Variants in RPL4 observed in about 807,000 individuals in gnomAD.
RPL4 encodes large ribosomal subunit protein uL4.
A neutral mutation model predicts 47.7 loss-of-function variants in RPL4; 3 were observed. That is an observed-to-expected ratio of 0.06 (90% CI 0.03 to 0.16). The LOEUF is 0.16. RPL4 is among the 10% of genes least tolerant of loss of function. RPL4 has a pLI of 1.00. For missense variants in RPL4, 413 were observed against 551.3 expected, an observed-to-expected ratio of 0.75 and a Z score of 2.51; for synonymous variants, 208 against 182.1, an observed-to-expected ratio of 1.14 and a Z score of -1.15.
chr15:66,504,698 T>A, intron 1 of RPL4, 90 bp downstream of exon 1: 1 of 1,563,776 alleles, frequency 6.4e-7, no homozygotes, highest in African/African-American at 1.3e-5. Flanking sequence ...CCTCGCTCTA[T>A]CTCCTACAGA....
chr15:66,502,977 C>A (rs117657369), intron 3 of RPL4, 81 bp downstream of exon 3: 2 of 1,378,354 alleles, frequency 1.5e-6, no homozygotes, highest in Non-Finnish European at 1.0e-6. Context: ...ATTTTTACAC[C>A]GTATTATCAT....
At chr15:66,499,727 AAAAC>A (rs1217804084) in intron 9 of RPL4, 75 bp from the exon 10 acceptor site, 11 of 1,589,612 alleles carry the variant, frequency 6.9e-6, no homozygotes, top group Non-Finnish European at 9.4e-6. Flanking sequence ...GAGAAAAACA[AAAAC>A]AAAACAAACC....
chr15:66,504,463 A>T (rs1435124487), intron 1 of RPL4, among the ~76,000 whole-genome samples: 1 of 152,208 alleles, frequency 6.6e-6, no homozygotes, highest in Non-Finnish European at 1.5e-5. Context: ...TTTTAATAGA[A>T]ATGATTCCCA....
chr15:66,500,125 T>C lies in RPL4; in HGVS notation c.969A>G (p.Arg323=). Reference sequence around the variant, plus strand: ...CATATGGGTTTAGCTTCAACATGATTCTCAAGTTTTTCAGTGGGTTCTTCT... The same window carrying C: ...CATATGGGTTTAGCTTCAACATGATCCTCAAGTTTTTCAGTGGGTTCTTCT... ...VLKKNPLKNL[R]IMLKLNPYAK... Residue 323 remains arginine, a synonymous_variant, in exon 9 of 10, where the codon AGA becomes AGG. Transcript: ENST00000307961. 6.2e-7 allele frequency: 1 copy of C among 1,613,276 alleles called. No individual in the cohort carries two copies. The highest frequency in any genetic ancestry group is 8.5e-7 in the Non-Finnish European group (1 of 1,179,930).
At chr15:66,503,828 A>G (rs1208930988) in intron 1 of RPL4, among the ~76,000 whole-genome samples, 1 of 152,236 alleles carries the variant, frequency 6.6e-6, no homozygotes, top group Non-Finnish European at 1.5e-5. Flanking sequence ...AATGCCAATT[A>G]ATCAGCAAAT....
chr15:66,502,835 CCTT>C, intron 3 of RPL4, 85 bp from the exon 4 acceptor site: 1 of 1,594,164 alleles, frequency 6.3e-7, no homozygotes. Context: ...TTTTCGTCAA[CCTT>C]CTGTACCAGC....
At position 66,503,541 on chromosome 15, in the gene RPL4, G is replaced by A; in HGVS notation, c.4-12C>T. The A allele has an allele frequency of 6.3e-7, 1 of 1,576,572 alleles. No individual in the cohort carries two copies. The highest frequency in any genetic ancestry group is 1.4e-5 in the African/African-American group (1 of 73,614). ...GGGCGAGCACACGCCTAAAGAAAAA[G>A]ACAAGGATTATTTTTATTGACAAGT... On this transcript the variant is annotated splice_polypyrimidine_tract_variant and intron_variant, in intron 1 of 9. Transcript: ENST00000307961.
chr15:66,499,206 A>T lies in RPL4; in HGVS notation c.*201T>A. On this transcript the variant is annotated 3_prime_UTR_variant, in exon 10 of 10. Coordinates refer to ENST00000307961, the MANE Select transcript of RPL4 (RefSeq NM_000968.4). The stretch of plus-strand genomic sequence containing the variant: ...ACTGAACTCCATGGACTTAGTATAA[A>T]TCCATGCCCCATTTTATACCACACT... 1.6e-6 allele frequency: 1 copy of T among 606,440 alleles called. No homozygotes were observed. 37.6% of individuals were successfully genotyped at this position (606,440 alleles called of 1,614,324 possible). A position where few individuals can be genotyped will look rare whatever the true frequency, so the allele number is the denominator to read the frequency against.
chr15:66,501,654 C>A, intron 5 of RPL4, 134 bp downstream of exon 5: 1 of 1,500,978 alleles, frequency 6.7e-7, no homozygotes, highest in Non-Finnish European at 9.0e-7. Flanking sequence ...GGATTCAAAC[C>A]CAAGTAATCG....
chr15:66,501,271 T>C lies in RPL4; in HGVS notation c.676+104A>G, dbSNP rs1297492208. 3.2e-6 allele frequency: 5 copies of C among 1,581,806 alleles called. No homozygotes were observed. The Admixed American group carries it at 8.3e-5, about 26-fold the overall frequency. ...GCCATAAATCAGAACTTCCACAAAA[T>C]CATTTGTTTCAGAAACACGGACCTT... On this transcript the variant is annotated intron_variant, in intron 6 of 9. Coordinates refer to ENST00000307961, the MANE Select transcript of RPL4 (RefSeq NM_000968.4).
At position 66,503,436 on chromosome 15, in the gene RPL4, G is replaced by T. The variant is rs747898742; in HGVS notation, c.97C>A (p.Arg33=). The T allele has an allele frequency of 1.2e-6, 2 of 1,612,884 alleles. No individual in the cohort carries two copies. The highest frequency in any genetic ancestry group is 8.5e-7 in the Non-Finnish European group (1 of 1,179,068). ...TGAACAAAGTTCACAATATCTGGTC[G>T]AATAGGAGCCTTGAATACAGCAGGC... ...TLPAVFKAPI[R]PDIVNFVHTN... Residue 33 remains arginine (R), a synonymous_variant, in exon 2 of 10, where the codon CGA becomes AGA. Transcript: ENST00000307961.
chr15:66,501,627 G>A, intron 5 of RPL4, 123 bp from the exon 6 acceptor site: 4 of 1,497,084 alleles, frequency 2.7e-6, no homozygotes, highest in Non-Finnish European at 2.7e-6. Context: ...GTTACACAGA[G>A]CCATAAACAG....
Position 66,501,018 on chromosome 15 carries a change from C to G in RPL4, c.764G>C (p.Ser255Thr). ...CAATTCATCTAACTTCCGGAAAGCACTTTCAGTCCAAATGCAGAAACGTCC... is the reference window on the plus strand; with the variant it reads ...CAATTCATCTAACTTCCGGAAAGCAGTTTCAGTCCAAATGCAGAAACGTCC... ...HVGRFCIWTESAFRKLDELYG... is the reference protein window; with the variant it reads ...HVGRFCIWTETAFRKLDELYG... Residue 255 changes from serine (S) to threonine (T), a missense_variant, in exon 7 of 10, where the codon AGT becomes ACT. Physicochemically the swap from Ser to Thr is moderately conservative, Grantham distance 58. Transcript: ENST00000307961. 1 of 1,613,986 alleles carries G rather than the reference C, an allele frequency of 6.2e-7. No individual in the cohort carries two copies. The highest frequency in any genetic ancestry group is 8.5e-7 in the Non-Finnish European group (1 of 1,179,924).
Position 66,499,305 on chromosome 15 carries a change from G to A in RPL4, c.*102C>T. ...AAAAATTCTAACCAAGCTTTACAGA[G>A]CACACCAAGTCATGTTTCTCACTGC... On this transcript the variant is annotated 3_prime_UTR_variant, in exon 10 of 10. Transcript: ENST00000307961. 2.8e-6 allele frequency: 4 copies of A among 1,416,680 alleles called. No homozygotes were observed. The East Asian group carries it at 9.1e-5, about 32-fold the overall frequency. The allele number at this position is 1,416,680 out of a possible 1,614,324, so 87.8% of individuals were successfully genotyped here.
chr15:66,504,665 G>A, intron 1 of RPL4, 123 bp downstream of exon 1: 1 of 1,396,056 alleles, frequency 7.2e-7, no homozygotes, highest in East Asian at 2.5e-5. Context: ...AGAAAAAGAC[G>A]CCTTTGGTCC....
Position 66,500,056 on chromosome 15 carries a change from A to C in RPL4, c.1038T>G (p.Asn346Lys). 6.2e-7 allele frequency: 1 copy of C among 1,611,530 alleles called. No individual in the cohort carries two copies. ...RRNTILRQARNHKLRVDKAAA... is the reference protein window; with the variant it reads ...RRNTILRQARKHKLRVDKAAA... ...ACAAACAAACAAAAACTCCACTCAC[A>C]TTCCTGGCCTGGCGAAGAATGGTGT... is the stretch of plus-strand genomic sequence containing the variant. The change falls in exon 9 of 10, where the codon AAT (asparagine) becomes AAG (lysine). Residue 346 changes from asparagine to lysine, a missense_variant and splice_region_variant. Physicochemically the swap from Asn to Lys is moderately conservative, Grantham distance 94 (BLOSUM62 0). This residue lies in a region of RPL4 where 134 missense variants were observed against 122.7 expected (regional missense o/e 1.09). Transcript: ENST00000307961.
intron 4 of RPL4, chr15:66,502,160 A>C (rs918181993): frequency 3.2e-6 from 2 of 623,242 alleles, no homozygotes; most frequent in South Asian, 3.1e-5. Context: ...AGGATATACT[A>C]AACTACTACT....
At position 66,503,410 on chromosome 15, in the gene RPL4, G is replaced by C. The variant is rs1046438594; in HGVS notation, c.123C>G (p.His41Gln). 6.2e-7 allele frequency: 1 copy of C among 1,611,206 alleles called. No individual in the cohort carries two copies. The change falls in exon 2 of 10, where the codon CAC becomes CAG. Residue 41 changes from histidine (H) to glutamine (Q), a missense_variant. By Grantham distance (24) the His-to-Gln change is conservative. Coordinates refer to ENST00000307961, the MANE Select transcript of RPL4 (RefSeq NM_000968.4). ...PIRPDIVNFV[H>Q]TNLRKNNRQP... Reference sequence around the variant, plus strand: ...GTCTGTTGTTTTTGCGCAAGTTGGTGTGAACAAAGTTCACAATATCTGGTC... The same window carrying C: ...GTCTGTTGTTTTTGCGCAAGTTGGTCTGAACAAAGTTCACAATATCTGGTC...
chr15:66,502,060 C>T (rs370840729), intron 4 of RPL4, 148 bp from the exon 5 acceptor site: 5 of 1,041,732 alleles, frequency 4.8e-6, no homozygotes, highest in Non-Finnish European at 5.9e-6. Context: ...TTCAGAAACA[C>T]GGACCAATTA....
Sources: allele counts gnomAD v4.1 joint callset (sites outside exome capture counted in the v4.1 genomes callset), GRCh38; gene constraint gnomAD v4.1.1; regional missense constraint gnomAD v4.1.1; transcripts MANE v1.5; gene names NCBI Gene and HGNC (gene_info 2026-07-23, HGNC 2026-07-21).